Variants in SGTB observed in about 807,000 individuals in gnomAD.
The protein encoded by SGTB is small glutamine rich tetratricopeptide repeat co-chaperone beta.
A neutral mutation model predicts 43.9 loss-of-function variants in SGTB; 19 were observed. The ratio of observed to expected loss-of-function variants is 0.43; its 90% CI spans 0.30 to 0.63. SGTB has a LOEUF of 0.63. Ranked by LOEUF, SGTB falls within the 30% of genes least tolerant of loss-of-function variation. The pLI, the probability that SGTB is intolerant of heterozygous loss-of-function variation, is 0.12. For missense variants in SGTB, 304 were observed against 358.9 expected (o/e 0.85, Z 1.24); for synonymous variants, 116 against 117.3 (o/e 0.99, Z 0.07).
At chr5:65,692,833 T>A (rs1757638201) in intron 5 of SGTB, among the ~76,000 whole-genome samples, 1 of 152,118 alleles carries the variant, frequency 6.6e-6, no homozygotes, top group African/African-American at 2.4e-5. Context: ...ATAGCTGAAG[T>A]ATTTGGGATC....
In SGTB at chr5:65,720,027, T is replaced by C. The variant is rs548733611; in HGVS notation, c.100+681A>G. On this transcript the variant is annotated intron_variant, in intron 2 of 10. Coordinates refer to ENST00000381007, the MANE Select transcript of SGTB (RefSeq NM_019072.3). ...TTAACCAGGATTTAAATCTCAGCTT[T>C]ATCACATATCAGCTGTGTTATCTGC... Among the ~76,000 whole-genome samples, 21 of 152,268 alleles carry C rather than the reference T, an allele frequency of 1.4e-4. No individual in the cohort carries two copies. The East Asian group carries it at 3.9e-3, about 28-fold the overall frequency.
chr5:65,671,023 T>C (rs1457069083), intron 10 of SGTB, among the ~76,000 whole-genome samples: 4 of 152,242 alleles, frequency 2.6e-5, no homozygotes, highest in Non-Finnish European at 2.9e-5. Flanking sequence ...AAGATGCAAG[T>C]AGTTCCTCTA....
chr5:65,685,330 C>T, intron 6 of SGTB, 38 bp downstream of exon 6: 3 of 1,562,474 alleles, frequency 1.9e-6, no homozygotes, highest in Non-Finnish European at 1.8e-6. Flanking sequence ...ATACCTGATG[C>T]TACATGGTAC....
Position 65,670,312 on chromosome 5 carries a change from A to G in SGTB, c.849T>C (p.Leu283=), listed in dbSNP as rs1244348993. ...GGATGTGATTTCTCAGTTGCTCTAT[A>G]AGTTCAGGATTTTGTTGCTGTATCT... The part of the protein sequence containing the change: ...AQQIQQQNPE[L]IEQLRNHIRS... The change falls in exon 11 of 11, where the codon CTT becomes CTC. Residue 283 remains leucine, a synonymous_variant. Coordinates refer to ENST00000381007, the MANE Select transcript of SGTB (RefSeq NM_019072.3). The G allele has an allele frequency of 6.2e-6, 10 of 1,614,160 alleles. No individual in the cohort carries two copies. Among genetic ancestry groups the G allele is most frequent in the Non-Finnish European group, 8.5e-6 (10 of 1,180,004 alleles).
At chr5:65,698,876 A>G (rs1411061122) in intron 5 of SGTB, among the ~76,000 whole-genome samples, 3 of 152,214 alleles carry the variant, frequency 2.0e-5, no homozygotes, top group Admixed American at 6.5e-5. Context: ...GAAAGTCAAA[A>G]AACAACAGAT....
upstream of SGTB, chr5:65,722,315 C>A: frequency 6.9e-7 from 1 of 1,444,116 alleles, no homozygotes; most frequent in Non-Finnish European, 9.2e-7. Context: ...CTGCCGCCCG[C>A]CTCGCCGCCC....
In SGTB at chr5:65,667,191, C is replaced by A. The variant is rs2150698915; in HGVS notation, c.*3055G>T. 6.6e-6 allele frequency: 1 copy of A among 152,252 alleles called. No homozygotes were observed. The highest frequency in any genetic ancestry group is 1.9e-4 in the East Asian group (1 of 5,192). The allele number at this position is 152,252 out of a possible 1,614,324, so 9.4% of individuals were successfully genotyped here. On this transcript the variant is annotated 3_prime_UTR_variant, in exon 11 of 11. Coordinates refer to ENST00000381007, the MANE Select transcript of SGTB (RefSeq NM_019072.3). ...TCATCTAAGTTGTTAAATATACAAT[C>A]CTTGAGTTGGTCATGGTGTTTTCTA...
chr5:65,683,279 C>T (rs930835822), intron 6 of SGTB, among the ~76,000 whole-genome samples: 1 of 152,080 alleles, frequency 6.6e-6, no homozygotes, highest in Non-Finnish European at 1.5e-5. Context: ...AAAGATAGAG[C>T]ATCACCTTAT....
chr5:65,669,986 T>C lies in SGTB; in HGVS notation c.*260A>G, dbSNP rs61514403. 2.9e-3 allele frequency: 1,017 copies of C among 354,992 alleles called. 9 individuals are homozygous for C. Among genetic ancestry groups the C allele is most frequent in the African/African-American group, 0.02 (960 of 47,572 alleles). The allele number at this position is 354,992 out of a possible 1,614,324, so 22.0% of individuals were successfully genotyped here. A position where few individuals can be genotyped will look rare whatever the true frequency, so the allele number is the denominator to read the frequency against. On this transcript the variant is annotated 3_prime_UTR_variant, in exon 11 of 11. Transcript: ENST00000381007. ...ATAGAAGTTTGAAAATGGAACCTTA[T>C]CCCAGTGCTATATTGGCACGTAACA...
chr5:65,677,381 G>A lies in SGTB; in HGVS notation c.681+3113C>T, dbSNP rs949684246. Among the ~76,000 whole-genome samples, 40 of 148,024 alleles carry A rather than the reference G, an allele frequency of 2.7e-4. 1 individual carries two copies. Among genetic ancestry groups the A allele is most frequent in the South Asian group, 2.1e-4 (1 of 4,696 alleles). ...AAAAAAAAAAAGCCCAGGACCAGACGAATTCACAGCTGAATTCTACCAGAG... is the reference window on the plus strand; with the variant it reads ...AAAAAAAAAAAGCCCAGGACCAGACAAATTCACAGCTGAATTCTACCAGAG... On this transcript the variant is annotated intron_variant, in intron 8 of 10. Coordinates refer to ENST00000381007, the MANE Select transcript of SGTB (RefSeq NM_019072.3).
At chr5:65,713,132 G>A (rs112703759) in intron 2 of SGTB, 68 bp from the exon 3 acceptor site, 8 of 1,082,756 alleles carry the variant, frequency 7.4e-6, no homozygotes, top group African/African-American at 3.2e-5. Flanking sequence ...TTTTTTTTCT[G>A]ATAGAACTGC....
At chr5:65,671,062 A>G (rs998773460) in intron 10 of SGTB, among the ~76,000 whole-genome samples, 3 of 152,342 alleles carry the variant, frequency 2.0e-5, no homozygotes, top group Admixed American at 6.5e-5. Context: ...AAAAGTTTGA[A>G]TAAAAATTTC....
chr5:65,712,709 C>T (rs1240293246), intron 3 of SGTB, among the ~76,000 whole-genome samples: 2 of 152,012 alleles, frequency 1.3e-5, no homozygotes, highest in African/African-American at 4.8e-5. Context: ...CTGTAAAGAA[C>T]TTAAAAGTCG....
intron 2 of SGTB, among the ~76,000 whole-genome samples, chr5:65,719,072 G>A (rs1758204638): frequency 6.6e-6 from 1 of 152,190 alleles, no homozygotes; most frequent in Non-Finnish European, 1.5e-5. Flanking sequence ...TGATTGCAAT[G>A]TTCTCCAACT....
intron 9 of SGTB, 66 bp from the exon 10 acceptor site, chr5:65,672,064 G>A (rs551269415): frequency 5.2e-5 from 83 of 1,591,510 alleles, no homozygotes; most frequent in African/African-American, 4.2e-4. Flanking sequence ...ACAACTGGAC[G>A]AGGAAAAGTT....
At chr5:65,677,350 C>CA (rs779583231) in intron 8 of SGTB, among the ~76,000 whole-genome samples, 1,432 of 98,064 alleles carry the variant, frequency 0.015, 34 homozygotes, top group East Asian at 0.13. Flanking sequence ...GCCTACCAAC[C>CA]AAAAAAAAAA....
intron 5 of SGTB, among the ~76,000 whole-genome samples, chr5:65,688,332 A>G (rs558829726): frequency 1.3e-5 from 2 of 152,192 alleles, no homozygotes; most frequent in Non-Finnish European, 2.9e-5. Flanking sequence ...TGTCTGATCT[A>G]TCACTGACAT....
chr5:65,679,291 G>C (rs1468264753), intron 8 of SGTB, among the ~76,000 whole-genome samples: 1 of 152,138 alleles, frequency 6.6e-6, no homozygotes, highest in Non-Finnish European at 1.5e-5. Flanking sequence ...ACCACAATGA[G>C]ATACCATCTC....
Position 65,670,237 on chromosome 5 carries a change from C to T in SGTB, c.*9G>A, listed in dbSNP as rs761456172. 1 of 1,612,928 alleles carries T rather than the reference C, an allele frequency of 6.2e-7. No homozygotes were observed. Among genetic ancestry groups the T allele is most frequent in the Non-Finnish European group, 8.5e-7 (1 of 1,178,956 alleles). ...CCATTTGTATCTTGGGCTTGAGCCC[C>T]TGGTTAAATCAGGAATGCTCTTCAG... On this transcript the variant is annotated 3_prime_UTR_variant, in exon 11 of 11. Coordinates refer to ENST00000381007, the MANE Select transcript of SGTB (RefSeq NM_019072.3).
Sources: allele counts gnomAD v4.1 joint callset (sites outside exome capture counted in the v4.1 genomes callset), GRCh38; gene constraint gnomAD v4.1.1; transcripts MANE v1.5; gene names NCBI Gene and HGNC (gene_info 2026-07-23, HGNC 2026-07-21).